Variants in PDS5B observed in about 807,000 individuals in gnomAD.
PDS5B encodes PDS5 cohesin associated factor B, also known as sister chromatid cohesion protein PDS5 homolog B.
PDS5B carries 51 observed loss-of-function variants against 184.1 expected under a neutral mutation model. That is an observed-to-expected ratio of 0.28 (90% CI 0.22 to 0.35). The LOEUF (loss-of-function observed/expected upper bound fraction) is 0.35, where lower values mean the gene tolerates loss of function less well. Ranked by LOEUF, PDS5B falls within the 10% of genes least tolerant of loss-of-function variation. PDS5B has a pLI of 1.00. For missense variants in PDS5B, 1,180 were observed against 1,723.3 expected, an observed-to-expected ratio of 0.68 and a Z score of 5.58; for synonymous variants, 566 against 569.2, an observed-to-expected ratio of 0.99 and a Z score of 0.08.
chr13:32,743,017 A>C (rs1175448360), intron 23 of PDS5B, among the ~76,000 whole-genome samples: 1 of 151,470 alleles, frequency 6.6e-6, no homozygotes, highest in African/African-American at 2.4e-5. Flanking sequence ...CTGATGTTTT[A>C]CATTCTTGTT....
chr13:32,740,254 A>T (rs7983309), intron 21 of PDS5B, among the ~76,000 whole-genome samples: 59,008 of 151,862 alleles, frequency 0.39, 11,967 homozygotes, highest in Non-Finnish European at 0.45. Context: ...CCTTTTTGGT[A>T]GTTTCTTTAT....
chr13:32,723,416 G>GA (rs961537497), intron 19 of PDS5B, among the ~76,000 whole-genome samples: 1 of 126,652 alleles, frequency 7.9e-6, no homozygotes, highest in African/African-American at 2.7e-5. Flanking sequence ...TGTTATCAAG[G>GA]AAAAAACTTG....
At chr13:32,668,423 G>A (rs1950855847) in intron 7 of PDS5B, among the ~76,000 whole-genome samples, 1 of 152,130 alleles carries the variant, frequency 6.6e-6, no homozygotes, top group African/African-American at 2.4e-5. Flanking sequence ...ACTTATGGTT[G>A]ACTATCTTGT....
At chr13:32,587,042 C>T (rs1317040969) in intron 1 of PDS5B, among the ~76,000 whole-genome samples, 2 of 145,622 alleles carry the variant, frequency 1.4e-5, no homozygotes, top group Non-Finnish European at 3.1e-5. Context: ...CCCGGCCGGC[C>T]GGCGGCTGTT....
chr13:32,732,513 A>G (rs1021690833), intron 20 of PDS5B, among the ~76,000 whole-genome samples: 1 of 152,146 alleles, frequency 6.6e-6, no homozygotes, highest in African/African-American at 2.4e-5. Context: ...ATATAAAATC[A>G]TAGTTACAGA....
chr13:32,691,162 A>G (rs560558339), intron 13 of PDS5B: 1 of 151,894 alleles, frequency 6.6e-6, no homozygotes, highest in East Asian at 1.9e-4. Context: ...TTCCTTTAAA[A>G]ATTTTTTTTA....
chr13:32,596,344 A>G (rs748299988), intron 1 of PDS5B, among the ~76,000 whole-genome samples: 6 of 152,188 alleles, frequency 3.9e-5, no homozygotes, highest in Non-Finnish European at 8.8e-5. Flanking sequence ...AGATTCATCC[A>G]TGGGGTTGGA....
At chr13:32,612,387 C>G (rs939932362) in intron 1 of PDS5B, among the ~76,000 whole-genome samples, 3 of 151,984 alleles carry the variant, frequency 2.0e-5, no homozygotes, top group Non-Finnish European at 4.4e-5. Flanking sequence ...TTTTTAAGAA[C>G]AATTTTATTT....
In PDS5B at chr13:32,596,792, G is replaced by C. The variant is rs9595889; in HGVS notation, c.-20+10199G>C. On this transcript the variant is annotated intron_variant, in intron 1 of 34. Coordinates refer to ENST00000315596, the MANE Select transcript of PDS5B (RefSeq NM_015032.4). The stretch of plus-strand genomic sequence containing the variant: ...GGTTGTTGACAGTATATTTTCTTTC[G>C]TAGGATGCCTCTTCAAGCTTTCTGC... Among the ~76,000 whole-genome samples, 321 of 151,984 alleles carry C rather than the reference G, an allele frequency of 2.1e-3. 3 individuals are homozygous for C. The highest frequency in any genetic ancestry group is 7.5e-3 in the African/African-American group (312 of 41,384).
At chr13:32,717,077 GC>G (rs1475103417) in intron 19 of PDS5B, among the ~76,000 whole-genome samples, 2 of 147,928 alleles carry the variant, frequency 1.4e-5, no homozygotes, top group African/African-American at 2.5e-5. Context: ...GGGGGGGTCA[GC>G]CCCCCGCCCG....
chr13:32,768,947 C>CAAAAAAAAAAAAAAAA (rs770324221), intron 31 of PDS5B, among the ~76,000 whole-genome samples: 1 of 84,534 alleles, frequency 1.2e-5, no homozygotes, highest in African/African-American at 4.3e-5. Flanking sequence ...TAAAAAAATA[C>CAAAAAAAAAAAAAAAA]AAAAAAAAAA....
At chr13:32,758,331 G>A in intron 27 of PDS5B, 112 bp downstream of exon 27, 2 of 1,026,290 alleles carry the variant, frequency 1.9e-6, no homozygotes, top group South Asian at 4.1e-5. Flanking sequence ...TTTTCTATTA[G>A]TAATTAGAAT....
chr13:32,621,450 G>T (rs1314210659), intron 1 of PDS5B, among the ~76,000 whole-genome samples: 2 of 152,138 alleles, frequency 1.3e-5, no homozygotes, highest in African/African-American at 2.4e-5. Flanking sequence ...CTGGGTGACA[G>T]AGCAAGACCC....
chr13:32,704,174 T>C (rs992108636), intron 17 of PDS5B, among the ~76,000 whole-genome samples: 18 of 152,012 alleles, frequency 1.2e-4, no homozygotes, highest in African/African-American at 4.1e-4. Flanking sequence ...AGAGACTTAG[T>C]CTTTTTTTTT....
At position 32,709,980 on chromosome 13, in the gene PDS5B, C is replaced by G. The variant is rs1036621710; in HGVS notation, c.1997C>G (p.Ser666Cys). 2 of 1,493,184 alleles carry G rather than the reference C, an allele frequency of 1.3e-6. No homozygotes were observed. Among genetic ancestry groups the G allele is most frequent in the Admixed American group, 1.8e-5 (1 of 55,002 alleles). 92.5% of individuals were successfully genotyped at this position (1,493,184 alleles called of 1,614,324 possible). A position where few individuals can be genotyped will look rare whatever the true frequency, so the allele number is the denominator to read the frequency against. ...LSFTHPISFH[S>C]AETFESLLAC... Reference sequence around the variant, plus strand: ...TTTACACATCCCATCTCATTTCATTCTGCTGAAACATTTGAATCATTACTG... The same window carrying G: ...TTTACACATCCCATCTCATTTCATTGTGCTGAAACATTTGAATCATTACTG... The change falls in exon 19 of 35, where the codon TCT becomes TGT. Residue 666 changes from serine to cysteine, a missense_variant. Transcript: ENST00000315596.
chr13:32,594,468 T>C (rs1377569067), intron 1 of PDS5B, among the ~76,000 whole-genome samples: 1 of 152,146 alleles, frequency 6.6e-6, no homozygotes, highest in Non-Finnish European at 1.5e-5. Context: ...AAAATACTTA[T>C]AAAACAAGCC....
At chr13:32,661,471 A>G (rs1249516959) in intron 6 of PDS5B, among the ~76,000 whole-genome samples, 1 of 151,700 alleles carries the variant, frequency 6.6e-6, no homozygotes, top group Admixed American at 6.6e-5. Flanking sequence ...TATATGTAAA[A>G]CATATTTAGA....
chr13:32,676,161 G>A (rs1028279020), intron 9 of PDS5B, among the ~76,000 whole-genome samples: 1 of 152,104 alleles, frequency 6.6e-6, no homozygotes, highest in Admixed American at 6.6e-5. Context: ...ATTTTTAAAA[G>A]ATAATACATT....
chr13:32,687,545 T>A (rs1262373359), intron 12 of PDS5B, among the ~76,000 whole-genome samples: 6 of 152,168 alleles, frequency 3.9e-5, no homozygotes, highest in Non-Finnish European at 8.8e-5. Flanking sequence ...AAAATAGGTA[T>A]GTGTAATAGT....
Sources: allele counts gnomAD v4.1 joint callset (sites outside exome capture counted in the v4.1 genomes callset), GRCh38; gene constraint gnomAD v4.1.1; transcripts MANE v1.5; gene names NCBI Gene and HGNC (gene_info 2026-07-23, HGNC 2026-07-21).